The following KLHDC1 variants were observed in gnomAD, a reference collection of about 807,000 sequenced individuals.
KLHDC1 encodes the protein kelch domain containing 1.
In KLHDC1, 53 loss-of-function variants were observed where a neutral mutation model predicts 68.3. The observed-to-expected ratio is 0.78, with a 90% confidence interval of 0.62 to 0.98. KLHDC1 has a LOEUF of 0.98. Among genes scored for constraint, KLHDC1 ranks in the 50% least tolerant of loss-of-function variants. The pLI, the probability that KLHDC1 is intolerant of heterozygous loss-of-function variation, is 0.00. For synonymous variants in KLHDC1, 148 were observed against 159.0 expected, an observed-to-expected ratio of 0.93 and a Z score of 0.52; for missense variants, 470 against 492.3, an observed-to-expected ratio of 0.95 and a Z score of 0.43.
chr14:49,740,560 T>C (rs1889040840), intron 11 of KLHDC1, among the ~76,000 whole-genome samples: 1 of 151,942 alleles, frequency 6.6e-6, no homozygotes, highest in Non-Finnish European at 1.5e-5. Context: ...AAGATGGTCT[T>C]GATCTCCTGA....
intron 1 of KLHDC1, among the ~76,000 whole-genome samples, chr14:49,699,412 T>A (rs1450413924): frequency 8.1e-5 from 12 of 148,674 alleles, no homozygotes; most frequent in African/African-American, 3.0e-4. Flanking sequence ...ATATGGGTAG[T>A]ATAGGCTTTA....
chr14:49,723,624 G>A (rs922341737), intron 4 of KLHDC1, among the ~76,000 whole-genome samples: 1 of 152,186 alleles, frequency 6.6e-6, no homozygotes, highest in Admixed American at 6.5e-5. Context: ...TACAAGCCCT[G>A]TATGTGCTGG....
At chr14:49,746,153 T>A (rs1390296433) in intron 12 of KLHDC1, among the ~76,000 whole-genome samples, 1 of 152,126 alleles carries the variant, frequency 6.6e-6, no homozygotes, top group East Asian at 1.9e-4. Flanking sequence ...AGGAGGAATA[T>A]GGAGAAAGGC....
intron 4 of KLHDC1, among the ~76,000 whole-genome samples, chr14:49,715,486 C>T (rs928492796): frequency 2.0e-5 from 3 of 151,014 alleles, no homozygotes; most frequent in Non-Finnish European, 4.4e-5. Flanking sequence ...GTGGCTCACG[C>T]CTGTAAGCCC....
chr14:49,726,329 T>C (rs1325025743), intron 6 of KLHDC1, among the ~76,000 whole-genome samples: 1 of 152,212 alleles, frequency 6.6e-6, no homozygotes, highest in Non-Finnish European at 1.5e-5. Flanking sequence ...TGTAGTGTGC[T>C]ACAATCACAT....
intron 1 of KLHDC1, among the ~76,000 whole-genome samples, chr14:49,693,546 C>G (rs894681635): frequency 6.6e-6 from 1 of 151,788 alleles, no homozygotes; most frequent in Non-Finnish European, 1.5e-5. Flanking sequence ...TCTTTGCCAG[C>G]AATTCAGTAA....
intron 4 of KLHDC1, among the ~76,000 whole-genome samples, chr14:49,713,813 TATATATATATATATATATATATA>T (rs1888276355): frequency 2.2e-3 from 3 of 1,334 alleles, no homozygotes; most frequent in Non-Finnish European, 6.9e-3. Flanking sequence ...TATATATATA[TATATATATATATATATATATATA>T]TATATATATA....
intron 1 of KLHDC1, among the ~76,000 whole-genome samples, chr14:49,698,226 C>T (rs982384164): frequency 1.1e-4 from 17 of 152,182 alleles, no homozygotes; most frequent in African/African-American, 2.4e-4. Context: ...TCCCCTGAGA[C>T]GGAGTCTTGC....
At chr14:49,720,541 A>G (rs1265010887) in intron 4 of KLHDC1, among the ~76,000 whole-genome samples, 1 of 151,434 alleles carries the variant, frequency 6.6e-6, no homozygotes, top group Non-Finnish European at 1.5e-5. Flanking sequence ...TTAAATATGC[A>G]TTGGTGTGTA....
intron 8 of KLHDC1, 77 bp downstream of exon 8, chr14:49,729,625 G>A (rs1173734251): frequency 4.2e-6 from 4 of 946,198 alleles, no homozygotes; most frequent in Non-Finnish European, 5.0e-6. Context: ...CCAAATGTGA[G>A]TCTTTAAAAC....
intron 1 of KLHDC1, among the ~76,000 whole-genome samples, chr14:49,699,026 T>A (rs1337826256): frequency 2.0e-5 from 3 of 151,028 alleles, no homozygotes; most frequent in South Asian, 2.1e-4. Flanking sequence ...TAGCCAGGCG[T>A]GGTGGCACGT....
chr14:49,744,477 CAT>C (rs1889144974), intron 12 of KLHDC1, among the ~76,000 whole-genome samples: 1 of 151,882 alleles, frequency 6.6e-6, no homozygotes, highest in Non-Finnish European at 1.5e-5. Flanking sequence ...TAATATATAT[CAT>C]ATATATGTTA....
chr14:49,713,094 C>T (rs1465359952), intron 4 of KLHDC1, among the ~76,000 whole-genome samples: 5 of 151,782 alleles, frequency 3.3e-5, no homozygotes, highest in African/African-American at 1.2e-4. Flanking sequence ...GAACTACGGG[C>T]TCCCGCCACC....
intron 1 of KLHDC1, among the ~76,000 whole-genome samples, chr14:49,696,229 T>C (rs936335821): frequency 6.7e-6 from 1 of 150,184 alleles, no homozygotes; most frequent in Non-Finnish European, 1.5e-5. Context: ...TGTGGTGCAG[T>C]GGAAAAGTCT....
intron 5 of KLHDC1, among the ~76,000 whole-genome samples, chr14:49,724,845 T>C (rs2139753252): frequency 6.7e-6 from 1 of 148,568 alleles, no homozygotes; most frequent in East Asian, 2.0e-4. Flanking sequence ...TTTTTTTTCA[T>C]TTAGACTCTA....
At chr14:49,731,124 A>G (rs1291307985) in intron 8 of KLHDC1, among the ~76,000 whole-genome samples, 1 of 152,130 alleles carries the variant, frequency 6.6e-6, no homozygotes, top group Non-Finnish European at 1.5e-5. Context: ...TACTAAATAC[A>G]AAACAATTAG....
Position 49,748,686 on chromosome 14 carries a change from A to G in KLHDC1, c.1035-2900A>G, listed in dbSNP as rs183005692. ...AAAATTCATACGATATGAAAAGTATATAGTAAAAAAATCACCTATGAGCCA... is the reference window on the plus strand; with the variant it reads ...AAAATTCATACGATATGAAAAGTATGTAGTAAAAAAATCACCTATGAGCCA... On this transcript the variant is annotated intron_variant, in intron 12 of 12. Coordinates refer to ENST00000359332, the MANE Select transcript of KLHDC1 (RefSeq NM_172193.3). 2.9e-3 allele frequency among the ~76,000 whole-genome samples: 446 copies of G among 152,218 alleles called. 4 individuals are homozygous for G. Among genetic ancestry groups the G allele is most frequent in the South Asian group, 0.026 (124 of 4,822 alleles).
At chr14:49,708,928 A>G (rs1420316287) in intron 1 of KLHDC1, 1 of 267,424 alleles carries the variant, frequency 3.7e-6, no homozygotes, top group Non-Finnish European at 6.9e-6. Flanking sequence ...TATTTTCTTG[A>G]GACTTATATA....
Position 49,751,797 on chromosome 14 carries a change from G to C in KLHDC1, c.*25G>C. On this transcript the variant is annotated 3_prime_UTR_variant, in exon 13 of 13. Transcript: ENST00000359332. ...AATTGTTATATACTTTACATATTTA[G>C]TATGTTTTAACTTTTTAATCAGACT... The C allele has an allele frequency of 7.8e-7, 1 of 1,276,462 alleles. No homozygotes were observed. The highest frequency in any genetic ancestry group is 1.1e-6 in the Non-Finnish European group (1 of 929,664). 79.1% of individuals were successfully genotyped at this position (1,276,462 alleles called of 1,614,324 possible).
Sources: allele counts gnomAD v4.1 joint callset (sites outside exome capture counted in the v4.1 genomes callset), GRCh38; gene constraint gnomAD v4.1.1; transcripts MANE v1.5; gene names NCBI Gene and HGNC (gene_info 2026-07-23, HGNC 2026-07-21).